The following HR variants were observed in gnomAD, a reference collection of about 807,000 sequenced individuals.
HR encodes lysine-specific demethylase hairless.
Under a neutral mutation model 128.6 loss-of-function variants are expected in HR, and 83 were observed. The ratio of observed to expected loss-of-function variants is 0.65; its 90% confidence interval spans 0.54 to 0.77. The LOEUF (loss-of-function observed/expected upper bound fraction) is 0.77, where lower values mean the gene tolerates loss of function less well. Ranked by LOEUF, HR falls within the 30% of genes least tolerant of loss-of-function variation. The pLI, the probability that HR is intolerant of heterozygous loss-of-function variation, is 0.00. For missense variants in HR, 1,490 were observed against 1,574.6 expected (o/e 0.95, Z 0.91); for synonymous variants, 681 against 658.2 (o/e 1.03, Z -0.53).
chr8:22,123,617 T>TTGGGGCC, intron 6 of HR, 32 bp downstream of exon 6: 75 of 292,058 alleles, frequency 2.6e-4, no homozygotes, highest in Middle Eastern at 1.3e-3. Context: ...GAGGGCTCCA[T>TTGGGGCC]CCCGCCCTCC....
At chr8:22,118,868 T>A (rs59952427) in intron 16 of HR, 82 bp downstream of exon 16, 1 of 1,206,566 alleles carries the variant, frequency 8.3e-7, no homozygotes, top group East Asian at 2.4e-5. Context: ...AGCGAGCACA[T>A]GGGACCGCAC....
At position 22,121,168 on chromosome 8, in the gene HR, C is replaced by G. The variant is rs1331331650; in HGVS notation, c.2264G>C (p.Cys755Ser). ...AGCCAGCAGTTCGCAGAGAGAAGGA[C>G]AAGGCAGGGGCCCTCGGCCAGCACG... Reference protein sequence around the residue: ...EDRAGRGPLPCPSLCELLAST... With the variant: ...EDRAGRGPLPSPSLCELLAST... The change falls in exon 10 of 19, where the codon TGT becomes TCT. Residue 755 changes from cysteine to serine, a missense_variant. Physicochemically the swap from Cys to Ser is moderately radical, Grantham distance 112. Coordinates refer to ENST00000381418, the MANE Select transcript of HR (RefSeq NM_005144.5). 1.2e-6 allele frequency: 2 copies of G among 1,613,984 alleles called. No individual in the cohort carries two copies. The highest frequency in any genetic ancestry group is 1.7e-6 in the Non-Finnish European group (2 of 1,180,034).
rs1039393959 is a variant in HR at position 22,127,197 on chromosome 8, G to T, written c.1245C>A (p.Gly415=). ...VARLRALKRA[G]SPEVQGAMGS... The stretch of plus-strand genomic sequence containing the variant: ...CCATTGCTCCCTGGACCTCGGGGCT[G>T]CCTGCCCTTTTGAGGGCCCGGAGCC... Residue 415 remains glycine, a synonymous_variant, in exon 3 of 19, where the codon GGC becomes GGA. Coordinates refer to ENST00000381418, the MANE Select transcript of HR (RefSeq NM_005144.5). 7 of 1,612,970 alleles carry T rather than the reference G, an allele frequency of 4.3e-6. No homozygotes were observed. Among genetic ancestry groups the T allele is most frequent in the South Asian group, 1.1e-5 (1 of 91,082 alleles).
At position 22,115,573 on chromosome 8, in the gene HR, A is replaced by C; in HGVS notation, c.*127T>G. ...GGAACAGAGTGCCCTGCTTGTGCCC[A>C]GAGTGGTGCTTGTGGGGTTGACCAG... On this transcript the variant is annotated 3_prime_UTR_variant, in exon 19 of 19. Transcript: ENST00000381418. 1 of 810,792 alleles carries C rather than the reference A, an allele frequency of 1.2e-6. No individual in the cohort carries two copies. Among genetic ancestry groups the C allele is most frequent in the Non-Finnish European group, 2.1e-6 (1 of 472,388 alleles). The allele number at this position is 810,792 out of a possible 1,614,324, so 50.2% of individuals were successfully genotyped here.
In HR at chr8:22,115,295, G is replaced by C. The variant is rs985682875; in HGVS notation, c.*405C>G. The C allele has an allele frequency of 2.5e-5, 8 of 316,674 alleles. No individual in the cohort carries two copies. The highest frequency in any genetic ancestry group is 1.7e-4 in the African/African-American group (8 of 47,098). 19.6% of individuals were successfully genotyped at this position (316,674 alleles called of 1,614,324 possible). A position where few individuals can be genotyped will look rare whatever the true frequency, so the allele number is the denominator to read the frequency against. The stretch of plus-strand genomic sequence containing the variant: ...GTGAGGATGCGGTGGTAGAAACGGA[G>C]CTGGGGCAGTAGAGTGGGCTCAGCG... On this transcript the variant is annotated 3_prime_UTR_variant, in exon 19 of 19. Coordinates refer to ENST00000381418, the MANE Select transcript of HR (RefSeq NM_005144.5).
rs367549518 is a variant in HR at position 22,125,608 on chromosome 8, G to T, written c.1530C>A (p.His510Gln). Residue 510 changes from histidine (H) to glutamine (Q), a missense_variant, in exon 4 of 19, where the codon CAC becomes CAA. This residue lies in a region of HR where 1,060 missense variants were observed against 1,060.9 expected (regional missense o/e 1.00). Coordinates refer to ENST00000381418, the MANE Select transcript of HR (RefSeq NM_005144.5). ...CAQAAGEGGGHACHSQQVRRS... is the reference protein window; with the variant it reads ...CAQAAGEGGGQACHSQQVRRS... ...TCCGCACTTGCTGAGAGTGGCAGGC[G>T]TGCCCTCCTCCCTCTCCAGCTGCCT... The T allele has an allele frequency of 1.9e-6, 3 of 1,608,094 alleles. No homozygotes were observed. The highest frequency in any genetic ancestry group is 1.7e-5 in the Admixed American group (1 of 59,038).
At chr8:22,123,616 AT>A in intron 6 of HR, 32 bp downstream of exon 6, 1 of 562,346 alleles carries the variant, frequency 1.8e-6, no homozygotes, top group Non-Finnish European at 3.0e-6. Flanking sequence ...TGAGGGCTCC[AT>A]CCCGCCCTCC....
intron 9 of HR, 105 bp from the exon 10 acceptor site, chr8:22,121,333 C>A (rs987274714): frequency 7.0e-7 from 1 of 1,426,632 alleles, no homozygotes; most frequent in African/African-American, 1.4e-5. Context: ...GCTGAGCCCA[C>A]TCTCCCCAGC....
rs746320803 is a variant in HR, at chr8:22,127,591, G to C, written c.851C>G (p.Pro284Arg). 6.8e-6 allele frequency: 11 copies of C among 1,612,208 alleles called. No homozygotes were observed. The highest frequency in any genetic ancestry group is 9.3e-6 in the Non-Finnish European group (11 of 1,179,830). The change falls in exon 3 of 19, where the codon CCA (proline) becomes CGA (arginine). Residue 284 changes from proline (P) to arginine (R), a missense_variant. Physicochemically the swap from Pro to Arg is moderately radical, Grantham distance 103. Around this residue, in one of 3 missense-constraint regions of HR, gnomAD observed 1,060 missense variants for 1,060.9 expected, o/e 1.00. Coordinates refer to ENST00000381418, the MANE Select transcript of HR (RefSeq NM_005144.5). ...GTTGCCAAGAGTATGAACAAGGCCT[G>C]GGGGACAAGCGGGCCAGGAGGTCCA... Reference protein sequence around the residue: ...VPWTSWPACPPGLVHTLGNVW... With the variant: ...VPWTSWPACPRGLVHTLGNVW...
rs1224113796 is a variant in HR at position 22,130,869 on chromosome 8, G to C, written c.-482C>G. ...GGCCGAGGGGCCGGGGAAGGGGGTCGTGCCTGGATGGTGGGGGCCGATCCT... is the reference window on the plus strand; with the variant it reads ...GGCCGAGGGGCCGGGGAAGGGGGTCCTGCCTGGATGGTGGGGGCCGATCCT... On this transcript the variant is annotated 5_prime_UTR_variant, in exon 1 of 19. Coordinates refer to ENST00000381418, the MANE Select transcript of HR (RefSeq NM_005144.5). 1 of 152,294 alleles carries C rather than the reference G, an allele frequency of 6.6e-6. No homozygotes were observed. Among genetic ancestry groups the C allele is most frequent in the African/African-American group, 2.4e-5 (1 of 41,444 alleles). 9.4% of individuals were successfully genotyped at this position (152,294 alleles called of 1,614,324 possible). A position where few individuals can be genotyped will look rare whatever the true frequency, so the allele number is the denominator to read the frequency against.
At chr8:22,130,099 G>C (rs1182756586) in intron 1 of HR, among the ~76,000 whole-genome samples, 1 of 152,248 alleles carries the variant, frequency 6.6e-6, no homozygotes, top group African/African-American at 2.4e-5. Context: ...GCCCCAGAGA[G>C]AGGCAAGGGA....
At position 22,128,667 on chromosome 8, in the gene HR, C is replaced by T. The variant is rs1479146613; in HGVS notation, c.504G>A (p.Val168=). ...WVPTCLPPYL[V]SGLPPEHPCD... ...ATGGATGCTCTGGGGGCAGGCCAGA[C>T]ACTAGGTAGGGTGGCAAGCAGGTGG... The change falls in exon 2 of 19, where the codon GTG becomes GTA. Residue 168 remains valine (V), a synonymous_variant. Coordinates refer to ENST00000381418, the MANE Select transcript of HR (RefSeq NM_005144.5). 3 of 1,588,256 alleles carry T rather than the reference C, an allele frequency of 1.9e-6. No individual in the cohort carries two copies. Among genetic ancestry groups the T allele is most frequent in the South Asian group, 1.1e-5 (1 of 87,876 alleles).
intron 6 of HR, 73 bp downstream of exon 6, chr8:22,123,576 C>T (rs1826807451): frequency 6.2e-6 from 9 of 1,443,442 alleles, no homozygotes; most frequent in African/African-American, 1.4e-5. Flanking sequence ...AGGCAGCCAA[C>T]GAATGACCAC....
At chr8:22,118,460 A>G (rs1439859701) in intron 16 of HR, 1 of 173,002 alleles carries the variant, frequency 5.8e-6, no homozygotes, top group Admixed American at 5.6e-5. Flanking sequence ...TGCAAATACC[A>G]AAAGGTGGGC....
Position 22,116,864 on chromosome 8 carries a change from C to G in HR, c.3378+11G>C. ...GATCTCCCCGCAGAGCCCCTGCCCG[C>G]TGGGAAGCACCTGGTGGGGAGCCCC... is the stretch of plus-strand genomic sequence containing the variant. On this transcript the variant is annotated intron_variant, in intron 17 of 18. Transcript: ENST00000381418. This position sits in a 1 kb window ranked among gnomAD's most constrained non-coding sequence, Gnocchi z 4.2. 6.4e-7 allele frequency: 1 copy of G among 1,567,738 alleles called. No individual in the cohort carries two copies. The highest frequency in any genetic ancestry group is 8.6e-7 in the Non-Finnish European group (1 of 1,161,032).
Position 22,121,142 on chromosome 8 carries a change from AAGCC to A in HR, c.2286_2289del (p.Ala763LeufsTer138). On this transcript the variant is annotated frameshift_variant, in exon 10 of 19. Transcript: ENST00000381418. LOFTEE classifies it high-confidence loss of function. ...CCCAAGCAGAGTTTGACCGCGGTAG[AAGCC>A]AGCAGTTCGCAGAGAGAAGGACAAG... The A allele has an allele frequency of 6.2e-7, 1 of 1,613,932 alleles. No individual in the cohort carries two copies. The highest frequency in any genetic ancestry group is 8.5e-7 in the Non-Finnish European group (1 of 1,180,020).
At chr8:22,127,938 C>T in intron 2 of HR, 109 bp from the exon 3 acceptor site, 1 of 1,123,046 alleles carries the variant, frequency 8.9e-7, no homozygotes, top group South Asian at 1.2e-5. Context: ...GAAGCCCTCA[C>T]ATTCTGATTA....
Position 22,115,309 on chromosome 8 carries a change from G to A in HR, c.*391C>T. ...GTAGAAACGGAGCTGGGGCAGTAGAGTGGGCTCAGCGGGAGTGAGCAGCAG... is the reference window on the plus strand; with the variant it reads ...GTAGAAACGGAGCTGGGGCAGTAGAATGGGCTCAGCGGGAGTGAGCAGCAG... On this transcript the variant is annotated 3_prime_UTR_variant, in exon 19 of 19. Transcript: ENST00000381418. 2.9e-6 allele frequency: 1 copy of A among 347,236 alleles called. No individual in the cohort carries two copies. The highest frequency in any genetic ancestry group is 5.5e-6 in the Non-Finnish European group (1 of 180,958). The allele number at this position is 347,236 out of a possible 1,614,324, so 21.5% of individuals were successfully genotyped here.
rs1273552010 is a variant in HR at position 22,122,508 on chromosome 8, C to T, written c.2106G>A (p.Gly702=). ...CQADARVWAP[G]DAGQQKESTQ... ...TGGGTCTTACCTGCTGGCCTGCATC[C>T]CCGGGGGCCCATACCCGGGCATCAG... Residue 702 remains glycine (G), a synonymous_variant, in exon 8 of 19, where the codon GGG becomes GGA. Coordinates refer to ENST00000381418, the MANE Select transcript of HR (RefSeq NM_005144.5). 1 of 1,608,910 alleles carries T rather than the reference C, an allele frequency of 6.2e-7. No individual in the cohort carries two copies. The highest frequency in any genetic ancestry group is 1.7e-5 in the Admixed American group (1 of 59,648).
Sources: gnomAD v4.1 joint callset for allele counts (sites outside exome capture counted in the v4.1 genomes callset) on GRCh38, gnomAD v4.1.1 for gene constraint, gnomAD v4.1.1 regional missense constraint, Gnocchi (gnomAD v3.1) non-coding constraint, MANE v1.5 for transcripts, NCBI Gene and HGNC (gene_info 2026-07-23, HGNC 2026-07-21) for gene names.